CACNA1E: variants seen among roughly 807,000 people sequenced by gnomAD.
The protein encoded by CACNA1E is voltage-dependent R-type calcium channel subunit alpha-1E.
A neutral mutation model predicts 259.2 loss-of-function variants in CACNA1E; 40 were observed. The observed-to-expected ratio is 0.15, with a 90% CI of 0.12 to 0.20. CACNA1E has a LOEUF of 0.20. Among genes scored for constraint, CACNA1E ranks in the 10% least tolerant of loss-of-function variants. The pLI is 1.00. For missense variants in CACNA1E, 1,874 were observed against 3,040.1 expected (o/e 0.62, Z 9.02); for synonymous variants, 1,104 against 1,138.5 (o/e 0.97, Z 0.61).
intron 3 of CACNA1E, among the ~76,000 whole-genome samples, chr1:181,524,569 C>T (rs1667218083): frequency 6.6e-6 from 1 of 152,238 alleles, no homozygotes; most frequent in South Asian, 2.1e-4. Context: ...GTGTCCTGAA[C>T]AGTGCTCCTG....
chr1:181,556,464 AG>A (rs1270785067), intron 3 of CACNA1E, among the ~76,000 whole-genome samples: 2 of 152,202 alleles, frequency 1.3e-5, no homozygotes, highest in Non-Finnish European at 2.9e-5. Context: ...AACTGCTGAA[AG>A]GGACTCAGAG....
chr1:181,730,792 G>A (rs141760958), intron 18 of CACNA1E, among the ~76,000 whole-genome samples: 15 of 152,288 alleles, frequency 9.8e-5, no homozygotes, highest in Admixed American at 3.9e-4. Flanking sequence ...GAAATGACTC[G>A]GGGGAGGGGA....
At chr1:181,360,678 CGTT>C (rs1571660697) in intron 1 of CACNA1E, among the ~76,000 whole-genome samples, 2 of 152,064 alleles carry the variant, frequency 1.3e-5, no homozygotes, top group East Asian at 1.9e-4. Flanking sequence ...GGTTGTAAAA[CGTT>C]GTGAATATAC....
upstream of CACNA1E, among the ~76,000 whole-genome samples, chr1:181,478,689 T>C (rs1379342288): frequency 6.6e-6 from 1 of 152,166 alleles, no homozygotes; most frequent in African/African-American, 2.4e-5. Context: ...GCACAGGCCA[T>C]TTGGATGAAG....
chr1:181,659,661 G>A (rs547056037), intron 7 of CACNA1E, among the ~76,000 whole-genome samples: 4 of 152,336 alleles, frequency 2.6e-5, no homozygotes, highest in Admixed American at 6.5e-5. Context: ...TTCCATATAC[G>A]TGTGGGGAGC....
intron 1 of CACNA1E, among the ~76,000 whole-genome samples, chr1:181,500,669 C>T (rs1164148639): frequency 1.3e-5 from 2 of 152,196 alleles, no homozygotes; most frequent in African/African-American, 4.8e-5. Flanking sequence ...TACAAGCTAG[C>T]CCTTCAGATA....
chr1:181,608,121 C>T (rs1347069255), intron 6 of CACNA1E, among the ~76,000 whole-genome samples: 1 of 152,126 alleles, frequency 6.6e-6, no homozygotes, highest in African/African-American at 2.4e-5. Flanking sequence ...TCTGGTGCCA[C>T]CTCTTAGAAA....
chr1:181,587,717 A>G (rs943440547), intron 6 of CACNA1E, among the ~76,000 whole-genome samples: 3 of 151,990 alleles, frequency 2.0e-5, no homozygotes, highest in Admixed American at 2.0e-4. Context: ...CCCCGTCTCT[A>G]CTAAAAATAT....
chr1:181,525,913 G>A (rs1667323182), intron 3 of CACNA1E, among the ~76,000 whole-genome samples: 1 of 152,140 alleles, frequency 6.6e-6, no homozygotes, highest in South Asian at 2.1e-4. Context: ...CATGGAAAAA[G>A]GCCAGTTTGG....
In CACNA1E at chr1:181,716,020, C is replaced by T; in HGVS notation, c.1226-20C>T. ...GGTGTACTTGTGGCCTCTCACTGGT[C>T]TTCCCTTTCCCTGATGCAGTGCTTC... On this transcript the variant is annotated intron_variant, in intron 9 of 47. Transcript: ENST00000367573. The T allele has an allele frequency of 6.5e-7, 1 of 1,543,350 alleles. No individual in the cohort carries two copies. The highest frequency in any genetic ancestry group is 8.8e-7 in the Non-Finnish European group (1 of 1,138,194).
At position 181,580,497 on chromosome 1, in the gene CACNA1E, G is replaced by C. The variant is rs1317622098; in HGVS notation, c.770-98G>C. ...CAAAAAAGGGCAGGCCTCTTTCCGT[G>C]GGGGAATGGAATTGCTTGCCTATGG... On this transcript the variant is annotated intron_variant, in intron 5 of 47. Coordinates refer to ENST00000367573, the MANE Select transcript of CACNA1E (RefSeq NM_001205293.3). The C allele has an allele frequency of 3.4e-6, 4 of 1,173,814 alleles. No individual in the cohort carries two copies. In the East Asian group the frequency reaches 7.0e-5, roughly 21 times the overall value. 72.7% of individuals were successfully genotyped at this position (1,173,814 alleles called of 1,614,324 possible).
intron 2 of CACNA1E, among the ~76,000 whole-genome samples, chr1:181,435,490 G>T (rs1271565311): frequency 6.6e-6 from 1 of 152,096 alleles, no homozygotes; most frequent in Non-Finnish European, 1.5e-5. Flanking sequence ...CTAGAACTTT[G>T]CATTCTGTTC....
intron 6 of CACNA1E, among the ~76,000 whole-genome samples, chr1:181,642,171 C>T (rs1311588335): frequency 2.0e-5 from 3 of 152,102 alleles, no homozygotes; most frequent in Non-Finnish European, 2.9e-5. Context: ...AGTGGAGTAC[C>T]TTTTGGCAGT....
intron 7 of CACNA1E, among the ~76,000 whole-genome samples, chr1:181,697,567 G>T (rs1163548224): frequency 1.3e-5 from 2 of 152,158 alleles, no homozygotes; most frequent in African/African-American, 4.8e-5. Context: ...AACTATCCGT[G>T]TCGAAGAATT....
At chr1:181,721,674 C>A in intron 15 of CACNA1E, 84 bp from the exon 16 acceptor site, 1 of 742,880 alleles carries the variant, frequency 1.3e-6, no homozygotes, top group Admixed American at 2.0e-5. Flanking sequence ...GCAAAAGACC[C>A]AGGCCCAGAA....
intron 7 of CACNA1E, among the ~76,000 whole-genome samples, chr1:181,664,587 A>G (rs1648025262): frequency 6.6e-6 from 1 of 152,172 alleles, no homozygotes; most frequent in South Asian, 2.1e-4. Flanking sequence ...TTTGGGGGGA[A>G]AAAGGCTCTG....
At chr1:181,417,243 T>C (rs1557986952) in intron 2 of CACNA1E, among the ~76,000 whole-genome samples, 1 of 152,098 alleles carries the variant, frequency 6.6e-6, no homozygotes, top group Non-Finnish European at 1.5e-5. Context: ...CAAACTGAAC[T>C]CCATCATAAG....
chr1:181,645,168 A>G lies in CACNA1E; in HGVS notation c.952-6170A>G, dbSNP rs115678908. 2.5e-3 allele frequency among the ~76,000 whole-genome samples: 379 copies of G among 152,252 alleles called. 3 individuals are homozygous for G. The highest frequency in any genetic ancestry group is 8.6e-3 in the African/African-American group (358 of 41,552). ...TCAGCACATGCAGGAAAGTGTTCAG[A>G]TGGGATTTCCAATTAGGTCAATCTA... On this transcript the variant is annotated intron_variant, in intron 6 of 47. Coordinates refer to ENST00000367573, the MANE Select transcript of CACNA1E (RefSeq NM_001205293.3).
At chr1:181,794,059 G>T (rs553955309) in intron 45 of CACNA1E, among the ~76,000 whole-genome samples, 1 of 152,266 alleles carries the variant, frequency 6.6e-6, no homozygotes, top group Admixed American at 6.5e-5. Context: ...AGCCATGCAA[G>T]AAATATTTTC....
Sources: gnomAD v4.1 joint callset for allele counts (sites outside exome capture counted in the v4.1 genomes callset) on GRCh38, gnomAD v4.1.1 for gene constraint, MANE v1.5 for transcripts, NCBI Gene and HGNC (gene_info 2026-07-23, HGNC 2026-07-21) for gene names.